Variants in PCMT1 observed in about 807,000 individuals in gnomAD.
The protein encoded by PCMT1 is protein-L-isoaspartate(D-aspartate) O-methyltransferase.
Under a neutral mutation model 29.2 loss-of-function variants are expected in PCMT1, and 9 were observed. The observed-to-expected ratio is 0.31, with a 90% CI of 0.19 to 0.54. PCMT1 has a LOEUF of 0.54. PCMT1 is among the 20% of genes least tolerant of loss of function. The pLI is 0.95. For missense variants in PCMT1, 184 were observed against 282.2 expected (o/e 0.65, Z 2.49); for synonymous variants, 98 against 97.5 (o/e 1.00, Z -0.03).
In PCMT1 at chr6:149,769,308, CTT is replaced by C. The variant is rs372773939; in HGVS notation, c.56-1831_56-1830del. Among the ~76,000 whole-genome samples the C allele has an allele frequency of 9.8e-5, 7 of 71,540 alleles. No individual in the cohort carries two copies. In the East Asian group the frequency reaches 4.3e-3, roughly 44 times the overall value. The allele number at this position is 71,540 out of a possible 152,430, so 46.9% of individuals were successfully genotyped here. ...AGTTAGCACCTATTTGTGCAGGATT[CTT>C]TTTTTTTTTTTTTTTTTTTTTTGAG... is the stretch of plus-strand genomic sequence containing the variant. On this transcript the variant is annotated intron_variant, in intron 1 of 7. Transcript: ENST00000464889.
chr6:149,757,440 C>T (rs1291135470), intron 1 of PCMT1, among the ~76,000 whole-genome samples: 1 of 152,068 alleles, frequency 6.6e-6, no homozygotes, highest in African/African-American at 2.4e-5. Flanking sequence ...TAAATGCTTT[C>T]AGGGTGGCAG....
intron 3 of PCMT1, among the ~76,000 whole-genome samples, chr6:149,774,636 C>T (rs1240794055): frequency 6.7e-6 from 1 of 148,746 alleles, no homozygotes; most frequent in African/African-American, 2.5e-5. Flanking sequence ...CTCCTAGGTT[C>T]AAGTAATTCT....
At chr6:149,763,898 A>AG (rs1786963220) in intron 1 of PCMT1, among the ~76,000 whole-genome samples, 1 of 152,340 alleles carries the variant, frequency 6.6e-6, no homozygotes, top group African/African-American at 2.4e-5. Context: ...AATAACACTA[A>AG]GAGTGTCATG....
At position 149,759,483 on chromosome 6, in the gene PCMT1, T is replaced by TTTTC. The variant is rs368076691; in HGVS notation, c.55+9547_55+9550dup. 2.3e-3 allele frequency among the ~76,000 whole-genome samples: 352 copies of TTTTC among 152,040 alleles called. 1 individual carries two copies. The highest frequency in any genetic ancestry group is 8.0e-3 in the African/African-American group (334 of 41,522). The stretch of plus-strand genomic sequence containing the variant: ...TGACTTGAAATCTATCTGCAGCTTA[T>TTTTC]TTTCTTTCTTTCTTTCTTTCTTTTT... On this transcript the variant is annotated intron_variant, in intron 1 of 7. Coordinates refer to ENST00000464889, the MANE Select transcript of PCMT1 (RefSeq NM_001360452.2).
At chr6:149,753,290 A>G (rs1786397085) in intron 1 of PCMT1, among the ~76,000 whole-genome samples, 1 of 152,146 alleles carries the variant, frequency 6.6e-6, no homozygotes. Context: ...TGTTGAAATG[A>G]AAAGGGGCCT....
chr6:149,810,937 G>T lies in PCMT1; in HGVS notation c.*359G>T. ...AGTTTGTGAATTGATTTTGAGGAGT[G>T]GTTTTTCTTTTCTTGGACACTTAAT... On this transcript the variant is annotated 3_prime_UTR_variant, in exon 8 of 8. Coordinates refer to ENST00000464889, the MANE Select transcript of PCMT1 (RefSeq NM_001360452.2). The T allele has an allele frequency of 7.3e-6, 2 of 274,836 alleles. No homozygotes were observed. The highest frequency in any genetic ancestry group is 6.8e-6 in the Non-Finnish European group (1 of 147,770). 17.0% of individuals were successfully genotyped at this position (274,836 alleles called of 1,614,324 possible). A position where few individuals can be genotyped will look rare whatever the true frequency, so the allele number is the denominator to read the frequency against.
intron 1 of PCMT1, among the ~76,000 whole-genome samples, chr6:149,768,516 A>G (rs1244084451): frequency 3.0e-5 from 4 of 133,636 alleles, no homozygotes; most frequent in Non-Finnish European, 6.1e-5. Context: ...CAGTGGCATG[A>G]TCTTGACTCA....
intron 7 of PCMT1, among the ~76,000 whole-genome samples, chr6:149,808,511 C>G (rs1273214995): frequency 6.6e-6 from 1 of 151,936 alleles, no homozygotes; most frequent in African/African-American, 2.4e-5. Context: ...ATTTCTTTTC[C>G]TTTTTTAAAG....
chr6:149,800,090 A>G (rs1788765811), intron 6 of PCMT1, among the ~76,000 whole-genome samples: 1 of 152,196 alleles, frequency 6.6e-6, no homozygotes, highest in African/African-American at 2.4e-5. Flanking sequence ...AAGCCTTGAA[A>G]TTGAGAAAAA....
chr6:149,771,836 T>G (rs970701910), intron 2 of PCMT1, among the ~76,000 whole-genome samples: 3 of 152,182 alleles, frequency 2.0e-5, no homozygotes, highest in Non-Finnish European at 4.4e-5. Context: ...AAACTTTTAA[T>G]GAAAACTTAC....
chr6:149,786,491 A>G (rs1166213419), intron 3 of PCMT1, among the ~76,000 whole-genome samples: 8 of 111,382 alleles, frequency 7.2e-5, no homozygotes, highest in South Asian at 3.3e-4. Flanking sequence ...GGTGGCTGCC[A>G]GGCGGAGGGG....
intron 1 of PCMT1, chr6:149,765,646 C>T (rs1260760029): frequency 5.4e-6 from 2 of 369,698 alleles, no homozygotes; most frequent in African/African-American, 2.2e-5. Context: ...GTTAATTGAC[C>T]TTATTTTTTT....
intron 6 of PCMT1, among the ~76,000 whole-genome samples, chr6:149,800,850 A>G (rs1775805889): frequency 6.6e-6 from 1 of 152,206 alleles, no homozygotes; most frequent in Non-Finnish European, 1.5e-5. Context: ...ACAAAGATTC[A>G]AAACAGGCAC....
intron 3 of PCMT1, among the ~76,000 whole-genome samples, chr6:149,773,488 C>T (rs1175816808): frequency 6.6e-6 from 1 of 152,210 alleles, no homozygotes; most frequent in Non-Finnish European, 1.5e-5. Flanking sequence ...ATGCCATTCT[C>T]CTGCCTCAGC....
intron 2 of PCMT1, 68 bp downstream of exon 2, chr6:149,771,334 A>T (rs561863787): frequency 3.1e-6 from 3 of 961,344 alleles, no homozygotes; most frequent in Admixed American, 4.0e-5. Context: ...GAAGTAGAAA[A>T]AGCCTGGGAC....
intron 1 of PCMT1, among the ~76,000 whole-genome samples, chr6:149,768,245 C>G (rs554949016): frequency 5.7e-4 from 87 of 151,834 alleles, no homozygotes; most frequent in African/African-American, 1.9e-3. Flanking sequence ...CACATGGCAC[C>G]ACACCTGGCT....
chr6:149,753,183 T>C (rs957590798), intron 1 of PCMT1, among the ~76,000 whole-genome samples: 1 of 152,306 alleles, frequency 6.6e-6, no homozygotes, highest in East Asian at 1.9e-4. Flanking sequence ...TTTGAAAATA[T>C]TGCCTTCCTT....
chr6:149,796,208 A>G (rs969521190), intron 5 of PCMT1: 11 of 395,448 alleles, frequency 2.8e-5, no homozygotes, highest in African/African-American at 2.1e-4. Flanking sequence ...TTTTTCATCA[A>G]AATAAAATTC....
At chr6:149,791,392 A>G (rs76662533) in intron 4 of PCMT1, among the ~76,000 whole-genome samples, 3,803 of 152,348 alleles carry the variant, frequency 0.025, 161 homozygotes, top group African/African-American at 0.085. Flanking sequence ...TATCCAGAGT[A>G]TTAACTGGGG....
Sources: allele counts gnomAD v4.1 joint callset (sites outside exome capture counted in the v4.1 genomes callset), GRCh38; gene constraint gnomAD v4.1.1; transcripts MANE v1.5; gene names NCBI Gene and HGNC (gene_info 2026-07-23, HGNC 2026-07-21).